PCDH11X: variants seen among roughly 807,000 people sequenced by gnomAD.
The protein encoded by PCDH11X is protocadherin 11 X-linked, also known as protocadherin-11 X-linked.
A neutral mutation model predicts 53.3 loss-of-function variants in PCDH11X; 18 were observed. The ratio of observed to expected loss-of-function variants is 0.34; its 90% CI spans 0.23 to 0.50. The LOEUF (loss-of-function observed/expected upper bound fraction) is 0.50. Among genes scored for constraint, PCDH11X ranks in the 20% least tolerant of loss-of-function variants. The pLI is 0.98. For synonymous variants in PCDH11X, 279 were observed against 393.3 expected (o/e 0.71, Z 3.44); for missense variants, 570 against 1,032.4 (o/e 0.55, Z 6.14).
Position 91,849,449 on chromosome X carries a change from C to T in PCDH11X, c.540+13405C>T, listed in dbSNP as rs190095680. 3.7e-4 allele frequency among the ~76,000 whole-genome samples: 41 copies of T among 109,777 alleles called. 1 individual carries two copies. The East Asian group carries it at 0.011, about 29-fold the overall frequency. The stretch of plus-strand genomic sequence containing the variant: ...CTCTTCTCTCTCCTCTCACCCTCCA[C>T]CCTAAAGTAGGCCCAATATCTGTTG... On this transcript the variant is annotated intron_variant, in intron 5 of 10. Coordinates refer to ENST00000682573, the MANE Select transcript of PCDH11X (RefSeq NM_032968.5).
intron 8 of PCDH11X, among the ~76,000 whole-genome samples, chrX:92,362,103 A>G (rs1167896233): frequency 1.8e-5 from 2 of 109,233 alleles, no homozygotes; most frequent in East Asian, 2.9e-4. Flanking sequence ...TGCTATGAAC[A>G]AGGGAGTACA....
intron 6 of PCDH11X, among the ~76,000 whole-genome samples, chrX:91,895,602 C>T (rs1476484683): frequency 9.1e-6 from 1 of 110,242 alleles, no homozygotes; most frequent in Non-Finnish European, 1.9e-5. Context: ...CACCTTCTCT[C>T]ATCTCTGACA....
At chrX:91,833,226 T>G (rs1464094002) in intron 4 of PCDH11X, among the ~76,000 whole-genome samples, 3 of 110,179 alleles carry the variant, frequency 2.7e-5, no homozygotes, top group African/African-American at 9.9e-5. Flanking sequence ...TTATTTCTGC[T>G]TATGTTTGCA....
At chrX:92,023,517 A>G (rs1305287780) in intron 6 of PCDH11X, among the ~76,000 whole-genome samples, 1 of 111,111 alleles carries the variant, frequency 9.0e-6, no homozygotes, top group Non-Finnish European at 1.9e-5. Flanking sequence ...TTGAGGCAGT[A>G]ATTAATAGCC....
At chrX:91,802,059 G>A (rs777837082) in intron 1 of PCDH11X, among the ~76,000 whole-genome samples, 52 of 113,041 alleles carry the variant, frequency 4.6e-4, no homozygotes, top group Non-Finnish European at 8.2e-4. Context: ...CCTTCATAGC[G>A]TTCTATATGT....
At chrX:91,921,905 A>G (rs1203609285) in intron 6 of PCDH11X, among the ~76,000 whole-genome samples, 1 of 111,054 alleles carries the variant, frequency 9.0e-6, no homozygotes, top group Non-Finnish European at 1.9e-5. Context: ...CAAAGTGGCT[A>G]TAGATTCTCT....
At chrX:92,012,909 G>T (rs1184894801) in intron 6 of PCDH11X, among the ~76,000 whole-genome samples, 1 of 111,186 alleles carries the variant, frequency 9.0e-6, no homozygotes, top group African/African-American at 3.3e-5. Flanking sequence ...AAAATAATGT[G>T]CGTCAGCCAA....
At chrX:91,839,588 T>G (rs1038381518) in intron 5 of PCDH11X, among the ~76,000 whole-genome samples, 1 of 108,508 alleles carries the variant, frequency 9.2e-6, no homozygotes, top group Non-Finnish European at 1.9e-5. Context: ...CAGGTAACAG[T>G]GAAAGACTGT....
At chrX:92,584,789 C>CTTTTTTTTT (rs1171667582) in intron 10 of PCDH11X, among the ~76,000 whole-genome samples, 3 of 65,108 alleles carry the variant, frequency 4.6e-5, no homozygotes, top group African/African-American at 1.4e-4. Flanking sequence ...TCTTTTTTTC[C>CTTTTTTTTT]TTTTTTTTTT....
chrX:92,283,572 G>A (rs1286970774), intron 8 of PCDH11X, among the ~76,000 whole-genome samples: 3 of 111,704 alleles, frequency 2.7e-5, no homozygotes, highest in Non-Finnish European at 5.7e-5. Flanking sequence ...GGTTTCTAAT[G>A]TCTGGTTTTC....
chrX:92,256,238 G>A lies in PCDH11X; in HGVS notation c.3115-6876G>A, dbSNP rs1172868729. ...CGTCCGTCACCCCTTTCTTTGATTA[G>A]GAAAGGGAACTCCCTGACCCCTTGC... On this transcript the variant is annotated intron_variant, in intron 7 of 10. Transcript: ENST00000682573. 2.7e-5 allele frequency among the ~76,000 whole-genome samples: 3 copies of A among 111,654 alleles called. No homozygotes were observed. In the Admixed American group the frequency reaches 2.8e-4, roughly 11 times the overall value.
intron 6 of PCDH11X, among the ~76,000 whole-genome samples, chrX:92,103,119 G>A (rs2064297051): frequency 9.1e-6 from 1 of 110,483 alleles, no homozygotes; most frequent in African/African-American, 3.3e-5. Context: ...AGGAAGACTC[G>A]AAGGAGGCTT....
At chrX:92,199,454 A>C (rs1181971068) in intron 6 of PCDH11X, among the ~76,000 whole-genome samples, 1 of 112,036 alleles carries the variant, frequency 8.9e-6, no homozygotes, top group African/African-American at 3.2e-5. Context: ...GGTACATGTA[A>C]GGAAAGAGAA....
intron 5 of PCDH11X, among the ~76,000 whole-genome samples, chrX:91,873,201 C>T (rs746088191): frequency 1.8e-5 from 2 of 109,907 alleles, no homozygotes; most frequent in East Asian, 5.7e-4. Flanking sequence ...TAAAGAAAAA[C>T]ATGATGTCTT....
intron 8 of PCDH11X, among the ~76,000 whole-genome samples, chrX:92,377,187 TTAAA>T (rs1451700664): frequency 8.9e-6 from 1 of 111,871 alleles, no homozygotes; most frequent in African/African-American, 3.2e-5. Context: ...TTTGTATATC[TTAAA>T]TAAACCATTG....
chrX:91,780,324 C>G (rs1356041892), intron 1 of PCDH11X, among the ~76,000 whole-genome samples: 2 of 111,957 alleles, frequency 1.8e-5, no homozygotes, highest in Non-Finnish European at 3.8e-5. Flanking sequence ...CCTTCCTTCC[C>G]GCCCTATTTT....
intron 6 of PCDH11X, chrX:91,983,017 C>T (rs971343556): frequency 1.3e-5 from 15 of 1,186,441 alleles, no homozygotes; most frequent in Non-Finnish European, 1.7e-5. Context: ...TGGGTCACTC[C>T]GGACTTTGCA....
intron 6 of PCDH11X, among the ~76,000 whole-genome samples, chrX:92,126,780 G>T (rs1484534276): frequency 1.9e-5 from 2 of 104,879 alleles, no homozygotes; most frequent in Non-Finnish European, 3.9e-5. Context: ...AAGTATGGGA[G>T]AATCTAATTT....
chrX:92,008,088 G>A (rs1364337952), intron 6 of PCDH11X, among the ~76,000 whole-genome samples: 1 of 111,032 alleles, frequency 9.0e-6, no homozygotes, highest in Non-Finnish European at 1.9e-5. Context: ...GTGTCTTTCA[G>A]TGCTGAAAGC....
Sources: allele counts gnomAD v4.1 joint callset (sites outside exome capture counted in the v4.1 genomes callset), GRCh38; gene constraint gnomAD v4.1.1; transcripts MANE v1.5; gene names NCBI Gene and HGNC (gene_info 2026-07-23, HGNC 2026-07-21).